The following LUZP2 variants were observed in gnomAD, a reference collection of about 807,000 sequenced individuals.
LUZP2 encodes the protein leucine zipper protein 2.
A neutral mutation model predicts 51.6 loss-of-function variants in LUZP2; 52 were observed. That is an observed-to-expected ratio of 1.01 (90% CI 0.81 to 1.27). The LOEUF (loss-of-function observed/expected upper bound fraction) is 1.27, where lower values mean the gene tolerates loss of function less well. Among genes scored for constraint, LUZP2 ranks in the 50% most tolerant of loss-of-function variants. LUZP2 has a pLI of 0.00. For synonymous variants in LUZP2, 154 were observed against 137.3 expected, an observed-to-expected ratio of 1.12 and a Z score of -0.85; for missense variants, 436 against 395.4, an observed-to-expected ratio of 1.10 and a Z score of -0.87.
At chr11:24,779,958 TGGAAGA>T (rs764463999) in intron 5 of LUZP2, among the ~76,000 whole-genome samples, 3 of 152,082 alleles carry the variant, frequency 2.0e-5, no homozygotes, top group Non-Finnish European at 4.4e-5. Context: ...CATGAGAAAG[TGGAAGA>T]GGCAAGGGAC....
At chr11:24,881,887 C>A (rs896687589) in intron 5 of LUZP2, among the ~76,000 whole-genome samples, 6 of 148,708 alleles carry the variant, frequency 4.0e-5, no homozygotes, top group Non-Finnish European at 6.0e-5. Flanking sequence ...CATATAAAAT[C>A]ATTTCTAATA....
At chr11:25,026,290 A>G (rs1315208572) in intron 9 of LUZP2, among the ~76,000 whole-genome samples, 2 of 152,198 alleles carry the variant, frequency 1.3e-5, no homozygotes, top group African/African-American at 4.8e-5. Context: ...TTAAAGTATA[A>G]TAAAAACATG....
intron 4 of LUZP2, among the ~76,000 whole-genome samples, chr11:24,759,745 G>T (rs1859913703): frequency 6.6e-6 from 1 of 152,108 alleles, no homozygotes; most frequent in African/African-American, 2.4e-5. Flanking sequence ...GAATGTAAAA[G>T]CTGTTTTTTG....
At chr11:25,014,987 G>A (rs1857107237) in intron 9 of LUZP2, among the ~76,000 whole-genome samples, 1 of 152,036 alleles carries the variant, frequency 6.6e-6, no homozygotes, top group South Asian at 2.1e-4. Flanking sequence ...AGTTTCCCCA[G>A]CACCCTTTAT....
At chr11:24,922,845 T>C (rs1163477934) in intron 7 of LUZP2, among the ~76,000 whole-genome samples, 2 of 113,422 alleles carry the variant, frequency 1.8e-5, no homozygotes, top group African/African-American at 1.1e-4. Flanking sequence ...TTCTTTTTTT[T>C]TTTTTTTTTT....
intron 1 of LUZP2, among the ~76,000 whole-genome samples, chr11:24,545,926 T>C (rs1461273992): frequency 6.6e-6 from 1 of 152,016 alleles, no homozygotes; most frequent in Non-Finnish European, 1.5e-5. Context: ...GAGCATAGCT[T>C]TTTTATTTGT....
At chr11:24,891,085 T>C (rs900103396) in intron 5 of LUZP2, 29 of 982,828 alleles carry the variant, frequency 3.0e-5, no homozygotes, top group Non-Finnish European at 3.4e-5. Flanking sequence ...AAAAATGAGG[T>C]TGGCTAATGC....
chr11:24,826,190 A>AAAAAATATATAT lies in LUZP2; in HGVS notation c.396+62883_396+62884insAAAATATATATA, dbSNP rs1215786412. On this transcript the variant is annotated intron_variant, in intron 5 of 11. Coordinates refer to ENST00000336930, the MANE Select transcript of LUZP2 (RefSeq NM_001009909.4). ...GACTCCATCTCAAAAAAAAAAAAAA[A>AAAAAATATATAT]ATATATATATATATATATAGTAAAA... 9.8e-3 allele frequency among the ~76,000 whole-genome samples: 658 copies of AAAAAATATATAT among 67,358 alleles called. 6 individuals carry two copies. The highest frequency in any genetic ancestry group is 0.013 in the South Asian group (24 of 1,888). 44.2% of individuals were successfully genotyped at this position (67,358 alleles called of 152,430 possible). A position where few individuals can be genotyped will look rare whatever the true frequency, so the allele number is the denominator to read the frequency against.
chr11:24,993,475 G>T (rs1449100946), intron 9 of LUZP2, among the ~76,000 whole-genome samples: 1 of 151,960 alleles, frequency 6.6e-6, no homozygotes, highest in Non-Finnish European at 1.5e-5. Context: ...TTATCTTTTA[G>T]TAAAACATGC....
chr11:24,654,123 C>A (rs1020283062), intron 1 of LUZP2, among the ~76,000 whole-genome samples: 1 of 152,036 alleles, frequency 6.6e-6, no homozygotes, highest in Non-Finnish European at 1.5e-5. Flanking sequence ...AAGAGGTCAG[C>A]GCCAAGACAG....
At chr11:24,824,383 A>AT in intron 5 of LUZP2, among the ~76,000 whole-genome samples, 2 of 147,404 alleles carry the variant, frequency 1.4e-5, no homozygotes, top group African/African-American at 5.0e-5. Context: ...AAAAAAAAAA[A>AT]AAAAAAAAAA....
At chr11:24,609,271 T>A (rs1361154605) in intron 1 of LUZP2, among the ~76,000 whole-genome samples, 1 of 152,150 alleles carries the variant, frequency 6.6e-6, no homozygotes, top group African/African-American at 2.4e-5. Context: ...TGAACCCCAA[T>A]CCTAGCTCTG....
intron 4 of LUZP2, among the ~76,000 whole-genome samples, chr11:24,760,182 T>A (rs1341167275): frequency 6.6e-6 from 1 of 152,120 alleles, no homozygotes; most frequent in Non-Finnish European, 1.5e-5. Flanking sequence ...AGTGTCTGGG[T>A]TAAGATAAGT....
Position 24,728,389 on chromosome 11 carries a change from A to G in LUZP2, c.63-780A>G, listed in dbSNP as rs539943768. Among the ~76,000 whole-genome samples, 10 of 152,084 alleles carry G rather than the reference A, an allele frequency of 6.6e-5. No individual in the cohort carries two copies. The South Asian group carries it at 1.5e-3, about 22-fold the overall frequency. ...CATTTTGTATGTTTTGCTGAAATCAATCCAAGTTTGCCTGCCTCCCCTGCT... is the reference window on the plus strand; with the variant it reads ...CATTTTGTATGTTTTGCTGAAATCAGTCCAAGTTTGCCTGCCTCCCCTGCT... On this transcript the variant is annotated intron_variant, in intron 1 of 11. Coordinates refer to ENST00000336930, the MANE Select transcript of LUZP2 (RefSeq NM_001009909.4).
intron 1 of LUZP2, among the ~76,000 whole-genome samples, chr11:24,595,860 CT>C (rs1327549216): frequency 9.8e-5 from 15 of 152,306 alleles, no homozygotes; most frequent in African/African-American, 3.4e-4. Context: ...GGACAAGCCT[CT>C]GCTCCTGGGG....
At chr11:24,852,970 G>T (rs1851441962) in intron 5 of LUZP2, among the ~76,000 whole-genome samples, 1 of 152,068 alleles carries the variant, frequency 6.6e-6, no homozygotes, top group Non-Finnish European at 1.5e-5. Context: ...GTGTGTCTTT[G>T]CATGTGAGAT....
chr11:24,964,686 A>T (rs1855530303), intron 7 of LUZP2, among the ~76,000 whole-genome samples: 1 of 152,104 alleles, frequency 6.6e-6, no homozygotes, highest in Admixed American at 6.5e-5. Context: ...CTTCAAGTAG[A>T]CAAAGGCAAA....
At chr11:24,896,263 C>T (rs1040422800) in intron 5 of LUZP2, among the ~76,000 whole-genome samples, 4 of 152,152 alleles carry the variant, frequency 2.6e-5, no homozygotes, top group African/African-American at 9.7e-5. Context: ...GAGCCAGCTC[C>T]CTCTGCTTGC....
chr11:24,716,604 T>A (rs1389999492), intron 1 of LUZP2, among the ~76,000 whole-genome samples: 1 of 152,108 alleles, frequency 6.6e-6, no homozygotes, highest in Non-Finnish European at 1.5e-5. Context: ...AATTAAATAG[T>A]AACCACTAGA....
Sources: gnomAD v4.1 joint callset for allele counts (sites outside exome capture counted in the v4.1 genomes callset) on GRCh38, gnomAD v4.1.1 for gene constraint, MANE v1.5 for transcripts, NCBI Gene and HGNC (gene_info 2026-07-23, HGNC 2026-07-21) for gene names.